PLEKHA2: variants seen among roughly 807,000 people sequenced by gnomAD.
PLEKHA2 encodes the protein pleckstrin homology domain-containing family A member 2.
In PLEKHA2, 28 loss-of-function variants were observed where a neutral mutation model predicts 53.2. That is an observed-to-expected ratio of 0.53 (90% confidence interval 0.39 to 0.72). PLEKHA2 has a LOEUF of 0.72. Ranked by LOEUF, PLEKHA2 falls within the 30% of genes least tolerant of loss-of-function variation. The pLI is 0.00. For synonymous variants in PLEKHA2, 193 were observed against 196.4 expected, an observed-to-expected ratio of 0.98 and a Z score of 0.14; for missense variants, 426 against 537.9, an observed-to-expected ratio of 0.79 and a Z score of 2.06.
At chr8:38,913,968 T>C (rs73674622) in intron 1 of PLEKHA2, among the ~76,000 whole-genome samples, 10,598 of 152,236 alleles carry the variant, frequency 0.07, 1,243 homozygotes, top group African/African-American at 0.24. Context: ...ATGGAAGGGT[T>C]GCTGCTTTGG....
At chr8:38,955,399 T>G (rs1361259136) in intron 9 of PLEKHA2, among the ~76,000 whole-genome samples, 1 of 152,230 alleles carries the variant, frequency 6.6e-6, no homozygotes, top group Non-Finnish European at 1.5e-5. Context: ...TCATAGTTGG[T>G]GAAATTTGCT....
chr8:38,952,621 A>T lies in PLEKHA2; in HGVS notation c.634-15A>T. 6.2e-7 allele frequency: 1 copy of T among 1,604,174 alleles called. No homozygotes were observed. Among genetic ancestry groups the T allele is most frequent in the Non-Finnish European group, 8.5e-7 (1 of 1,179,108 alleles). ...ACCTCTCGCTAATGGTCTGCCTTTT[A>T]TTTTTTTATTACAGCGGAAGAGCTG... is the stretch of plus-strand genomic sequence containing the variant. On this transcript the variant is annotated splice_polypyrimidine_tract_variant and intron_variant, in intron 7 of 11. Transcript: ENST00000617275.
intron 2 of PLEKHA2, among the ~76,000 whole-genome samples, chr8:38,925,512 C>T (rs535297789): frequency 1.1e-4 from 16 of 152,182 alleles, no homozygotes; most frequent in African/African-American, 3.4e-4. Flanking sequence ...CCTCTTTTTC[C>T]AAAAAATACG....
intron 1 of PLEKHA2, among the ~76,000 whole-genome samples, chr8:38,909,176 G>A (rs996796257): frequency 6.6e-6 from 1 of 151,688 alleles, no homozygotes; most frequent in Admixed American, 6.6e-5. Flanking sequence ...TCTAACCATT[G>A]TGTTGTTCAG....
At chr8:38,938,473 G>A (rs1483898347) in intron 3 of PLEKHA2, among the ~76,000 whole-genome samples, 1 of 152,234 alleles carries the variant, frequency 6.6e-6, no homozygotes, top group Non-Finnish European at 1.5e-5. Flanking sequence ...TTCTGCCAGA[G>A]GGGCCCCAGC....
chr8:38,906,508 G>A (rs910269077), intron 1 of PLEKHA2, among the ~76,000 whole-genome samples: 7 of 152,118 alleles, frequency 4.6e-5, no homozygotes, highest in Non-Finnish European at 7.3e-5. Context: ...TCAGGGTCAA[G>A]CCAGCACCCT....
intron 2 of PLEKHA2, among the ~76,000 whole-genome samples, chr8:38,932,798 G>A (rs923020758): frequency 3.3e-5 from 5 of 152,242 alleles, no homozygotes; most frequent in African/African-American, 9.6e-5. Context: ...GAAGGTGGGA[G>A]GGAGGAAGGC....
chr8:38,932,176 T>G lies in PLEKHA2; in HGVS notation c.142-3818T>G, dbSNP rs865851716. ...CAGCTAATTTCTTTATTTTACTTTT[T>G]GTAGAGACAGAGTCTTGCTGTGTTG... On this transcript the variant is annotated intron_variant, in intron 2 of 11. Coordinates refer to ENST00000617275, the MANE Select transcript of PLEKHA2 (RefSeq NM_021623.2). Among the ~76,000 whole-genome samples, 7 of 152,222 alleles carry G rather than the reference T, an allele frequency of 4.6e-5. No homozygotes were observed. The Middle Eastern group carries it at 0.014, about 296-fold the overall frequency.
In PLEKHA2 at chr8:38,920,280, A is replaced by T. The variant is rs1388181931; in HGVS notation, c.141+2210A>T. On this transcript the variant is annotated intron_variant, in intron 2 of 11. Coordinates refer to ENST00000617275, the MANE Select transcript of PLEKHA2 (RefSeq NM_021623.2). ...ATTCTCCTGCCTCAGCCTCCCGAGT[A>T]GTTGGGACTACAGGCACCCGCCACC... 2.0e-5 allele frequency among the ~76,000 whole-genome samples: 3 copies of T among 151,938 alleles called. No homozygotes were observed. The South Asian group carries it at 6.2e-4, about 32-fold the overall frequency.
chr8:38,963,094 C>T (rs185562798), intron 10 of PLEKHA2, among the ~76,000 whole-genome samples: 16 of 152,298 alleles, frequency 1.1e-4, no homozygotes, highest in Non-Finnish European at 1.6e-4. Flanking sequence ...TGCTTCAAAC[C>T]ATTGTATCTA....
chr8:38,917,201 C>T (rs776536907), intron 1 of PLEKHA2, among the ~76,000 whole-genome samples: 9 of 151,946 alleles, frequency 5.9e-5, no homozygotes, highest in South Asian at 4.1e-4. Flanking sequence ...GGTAATTTGC[C>T]GATTTTTCTC....
At chr8:38,943,663 T>C (rs1356858585) in intron 3 of PLEKHA2, 126 bp from the exon 4 acceptor site, 1 of 700,302 alleles carries the variant, frequency 1.4e-6, no homozygotes, top group Admixed American at 3.4e-5. Flanking sequence ...TTTCATTTAA[T>C]TATTATTTTT....
chr8:38,903,353 C>A (rs1833821848), intron 1 of PLEKHA2, among the ~76,000 whole-genome samples: 1 of 152,206 alleles, frequency 6.6e-6, no homozygotes, highest in South Asian at 2.1e-4. Context: ...AAACTGCCTG[C>A]CCTTTGGTGA....
chr8:38,969,643 A>C lies in PLEKHA2; in HGVS notation c.1138A>C (p.Thr380Pro). ...PGDTSEDSLF[T>P]PRPGEGSAPG... ...AGACACTTCAGAGGACTCCTTGTTC[A>C]CGCCTCGTCCTGGGGAGGGCAGCGC... The change falls in exon 12 of 12, where the codon ACG (threonine) becomes CCG (proline). Residue 380 changes from threonine (T) to proline (P), a missense_variant. Coordinates refer to ENST00000617275, the MANE Select transcript of PLEKHA2 (RefSeq NM_021623.2). The C allele has an allele frequency of 6.3e-7, 1 of 1,599,972 alleles. No homozygotes were observed. Among genetic ancestry groups the C allele is most frequent in the Non-Finnish European group, 8.5e-7 (1 of 1,173,540 alleles).
chr8:38,927,606 T>C lies in PLEKHA2; in HGVS notation c.142-8388T>C, dbSNP rs143866177. On this transcript the variant is annotated intron_variant, in intron 2 of 11. Transcript: ENST00000617275. ...GGGAGGGGTTCATATTAGATTTTGC[T>C]TCAGAGACCAGTTTTATTAGTTATA... Among the ~76,000 whole-genome samples, 464 of 152,282 alleles carry C rather than the reference T, an allele frequency of 3.0e-3. 1 individual carries two copies. The highest frequency in any genetic ancestry group is 6.7e-3 in the Admixed American group (102 of 15,288).
chr8:38,906,077 C>T (rs1026149213), intron 1 of PLEKHA2, among the ~76,000 whole-genome samples: 1 of 152,220 alleles, frequency 6.6e-6, no homozygotes, highest in African/African-American at 2.4e-5. Context: ...GATTAGAGTT[C>T]CAGGACTCGC....
intron 2 of PLEKHA2, among the ~76,000 whole-genome samples, chr8:38,920,304 C>T (rs1189488276): frequency 2.6e-5 from 4 of 152,150 alleles, no homozygotes; most frequent in Non-Finnish European, 4.4e-5. Context: ...GCACCCGCCA[C>T]CACGCCCAGC....
rs150973185 is a variant in PLEKHA2, at chr8:38,943,767, T to C, written c.199-22T>C. 1.1e-3 allele frequency: 1,754 copies of C among 1,530,934 alleles called. 22 individuals are homozygous for C. The African/African-American group carries it at 0.021, about 18-fold the overall frequency. The allele number at this position is 1,530,934 out of a possible 1,614,324, so 94.8% of individuals were successfully genotyped here. On this transcript the variant is annotated intron_variant, in intron 3 of 11. Transcript: ENST00000617275. ...ATTGTAAGACACATATTCATGTTTC[T>C]TTTATTTCTTATTTGATTTAGGTGA...
At chr8:38,920,803 T>C (rs1246525132) in intron 2 of PLEKHA2, among the ~76,000 whole-genome samples, 1 of 151,922 alleles carries the variant, frequency 6.6e-6, no homozygotes. Context: ...GTTTCTTTTT[T>C]TTTTTTCTTC....
Sources: gnomAD v4.1 joint callset for allele counts (sites outside exome capture counted in the v4.1 genomes callset) on GRCh38, gnomAD v4.1.1 for gene constraint, MANE v1.5 for transcripts, NCBI Gene and HGNC (gene_info 2026-07-23, HGNC 2026-07-21) for gene names.